Variants in LRRC7 observed in about 807,000 individuals in gnomAD.
LRRC7 encodes the protein leucine rich repeat containing 7, also known as leucine-rich repeat-containing protein 7.
A neutral mutation model predicts 175.7 loss-of-function variants in LRRC7; 23 were observed. The ratio of observed to expected loss-of-function variants is 0.13; its 90% CI spans 0.09 to 0.19. LRRC7 has a LOEUF of 0.19. Ranked by LOEUF, LRRC7 falls within the 10% of genes least tolerant of loss-of-function variation. LRRC7 has a pLI of 1.00. For missense variants in LRRC7, 1,354 were observed against 1,904.7 expected (o/e 0.71, Z 5.38); for synonymous variants, 685 against 680.9 (o/e 1.01, Z -0.09).
intron 1 of LRRC7, among the ~76,000 whole-genome samples, chr1:69,665,617 T>C (rs1658148839): frequency 6.6e-6 from 1 of 152,110 alleles, no homozygotes; most frequent in Admixed American, 6.5e-5. Context: ...TAATTCTGTC[T>C]CAGATTGTTC....
At chr1:70,045,226 C>T (rs889180927) in intron 22 of LRRC7, among the ~76,000 whole-genome samples, 1 of 151,860 alleles carries the variant, frequency 6.6e-6, no homozygotes. Context: ...TTGCTGTGCC[C>T]GGTCTATACT....
intron 11 of LRRC7, among the ~76,000 whole-genome samples, chr1:70,010,478 T>C (rs996805410): frequency 4.6e-5 from 7 of 152,170 alleles, no homozygotes; most frequent in Middle Eastern, 3.4e-3. Context: ...GACAGGAGCA[T>C]CACTTGAACC....
In LRRC7 at chr1:69,779,332, C is replaced by T. The variant is rs542117544; in HGVS notation, c.304-12711C>T. Among the ~76,000 whole-genome samples the T allele has an allele frequency of 1.7e-3, 256 of 152,272 alleles. 5 individuals are homozygous for T. Among genetic ancestry groups the T allele is most frequent in the African/African-American group, 5.7e-3 (236 of 41,554 alleles). On this transcript the variant is annotated intron_variant, in intron 3 of 26. Transcript: ENST00000651989. ...CCCCAAATACCCAGAAACAATGAAG[C>T]TGGGTTGAAATTAAGAACATTTAAA...
intron 2 of LRRC7, among the ~76,000 whole-genome samples, chr1:69,715,156 A>G (rs1295288907): frequency 6.6e-6 from 1 of 152,032 alleles, no homozygotes; most frequent in Non-Finnish European, 1.5e-5. Flanking sequence ...TAAATTTTTA[A>G]TAGAACCATT....
chr1:70,029,521 T>C (rs930258345), intron 18 of LRRC7, among the ~76,000 whole-genome samples: 3 of 152,168 alleles, frequency 2.0e-5, no homozygotes, highest in African/African-American at 7.2e-5. Context: ...TTCATTTTCA[T>C]TGTTTTTTGC....
intron 7 of LRRC7, among the ~76,000 whole-genome samples, chr1:69,882,126 G>A (rs1206451351): frequency 1.3e-5 from 2 of 151,476 alleles, no homozygotes; most frequent in Non-Finnish European, 2.9e-5. Context: ...TATATGAGAA[G>A]ATGTTCAACA....
intron 1 of LRRC7, among the ~76,000 whole-genome samples, chr1:69,586,042 T>C (rs1214760495): frequency 1.3e-5 from 2 of 152,232 alleles, no homozygotes; most frequent in Admixed American, 6.5e-5. Context: ...ACTGTAGAAT[T>C]AAATCTACTG....
intron 12 of LRRC7, 31 bp from the exon 13 acceptor site, chr1:70,012,943 T>A: frequency 8.2e-7 from 1 of 1,226,210 alleles, no homozygotes; most frequent in Non-Finnish European, 1.2e-6. Flanking sequence ...GTGGTCTGAT[T>A]TTTTTACCTA....
At position 70,053,079 on chromosome 1, in the gene LRRC7, T is replaced by C. The variant is rs770514899; in HGVS notation, c.4164T>C (p.Pro1388=). 3 of 1,611,644 alleles carry C rather than the reference T, an allele frequency of 1.9e-6. No individual in the cohort carries two copies. In the African/African-American group the frequency reaches 4.0e-5, roughly 22 times the overall value. ...ILDNGQEDVS[P]SGQWNPYPLG... The stretch of plus-strand genomic sequence containing the variant: ...ACAATGGACAAGAAGATGTATCTCC[T>C]AGTGGCCAATGGAATCCTTATCCAC... The change falls in exon 23 of 27, where the codon CCT becomes CCC. Residue 1388 remains proline (P), a synonymous_variant. Coordinates refer to ENST00000651989, the MANE Select transcript of LRRC7 (RefSeq NM_001370785.2).
At chr1:69,675,850 A>T (rs1380795225) in intron 1 of LRRC7, among the ~76,000 whole-genome samples, 2 of 151,976 alleles carry the variant, frequency 1.3e-5, no homozygotes, top group Non-Finnish European at 2.9e-5. Flanking sequence ...TCAAGTTTCC[A>T]CTTGGTTTCC....
At chr1:69,835,005 T>A in intron 6 of LRRC7, 136 bp downstream of exon 6, 1 of 595,340 alleles carries the variant, frequency 1.7e-6, no homozygotes, top group Non-Finnish European at 2.7e-6. Context: ...AATGAAACGC[T>A]GTTAATTAAT....
intron 2 of LRRC7, among the ~76,000 whole-genome samples, chr1:69,694,382 C>T (rs568756920): frequency 1.8e-4 from 28 of 152,280 alleles, no homozygotes; most frequent in Middle Eastern, 6.8e-3. Context: ...TGCTCTCACT[C>T]TGGACTTGTT....
chr1:69,877,007 G>A (rs1686101477), intron 7 of LRRC7, among the ~76,000 whole-genome samples: 1 of 152,030 alleles, frequency 6.6e-6, no homozygotes, highest in South Asian at 2.1e-4. Context: ...CCATAAATTG[G>A]AATTTTAAAA....
chr1:69,878,004 A>T (rs1314495023), intron 7 of LRRC7, among the ~76,000 whole-genome samples: 2 of 152,176 alleles, frequency 1.3e-5, no homozygotes. Flanking sequence ...ATAGGACAGG[A>T]TGGCAGGGAA....
chr1:69,695,364 C>T (rs1662437506), intron 2 of LRRC7, among the ~76,000 whole-genome samples: 1 of 152,162 alleles, frequency 6.6e-6, no homozygotes, highest in Non-Finnish European at 1.5e-5. Context: ...AACAGCCTAT[C>T]ATCAGATAAA....
chr1:69,924,797 C>T (rs1239417350), intron 7 of LRRC7, among the ~76,000 whole-genome samples: 1 of 152,156 alleles, frequency 6.6e-6, no homozygotes, highest in Non-Finnish European at 1.5e-5. Context: ...TTATTTCTTT[C>T]TCATGCCTGA....
chr1:70,116,643 C>G (rs1665883033), intron 26 of LRRC7, among the ~76,000 whole-genome samples: 1 of 151,002 alleles, frequency 6.6e-6, no homozygotes, highest in Non-Finnish European at 1.5e-5. Flanking sequence ...AAACTTCAAA[C>G]TTTCTCACAT....
intron 2 of LRRC7, among the ~76,000 whole-genome samples, chr1:69,709,189 A>G (rs1664439826): frequency 2.0e-5 from 3 of 152,196 alleles, no homozygotes; most frequent in Admixed American, 2.0e-4. Flanking sequence ...TTAAACTCCA[A>G]AATAACATAG....
intron 1 of LRRC7, among the ~76,000 whole-genome samples, chr1:69,582,892 T>A (rs936330910): frequency 6.6e-6 from 1 of 152,180 alleles, no homozygotes; most frequent in Admixed American, 6.6e-5. Context: ...TTGATTAGCT[T>A]GAAATGTATT....
Sources: allele counts gnomAD v4.1 joint callset (sites outside exome capture counted in the v4.1 genomes callset), GRCh38; gene constraint gnomAD v4.1.1; transcripts MANE v1.5; gene names NCBI Gene and HGNC (gene_info 2026-07-23, HGNC 2026-07-21).